TNKS2: variants seen among roughly 807,000 people sequenced by gnomAD.
The protein encoded by TNKS2 is tankyrase 2.
Under a neutral mutation model 137.6 loss-of-function variants are expected in TNKS2, and 72 were observed. The ratio of observed to expected loss-of-function variants is 0.52; its 90% CI spans 0.43 to 0.64. TNKS2 has a LOEUF of 0.64. Among genes scored for constraint, TNKS2 ranks in the 30% least tolerant of loss-of-function variants. The probability of loss-of-function intolerance (pLI) is 0.00; values close to 1 mark genes in which losing one functional copy is unlikely to be tolerated. For missense variants in TNKS2, 1,049 were observed against 1,410.2 expected (o/e 0.74, Z 4.10); for synonymous variants, 516 against 512.1 (o/e 1.01, Z -0.10).
intron 24 of TNKS2, 32 bp downstream of exon 24, chr10:91,857,562 T>C: frequency 7.1e-7 from 1 of 1,415,844 alleles, no homozygotes; most frequent in South Asian, 1.2e-5. Flanking sequence ...TCTACCACTG[T>C]CTTCCACATT....
intron 1 of TNKS2, among the ~76,000 whole-genome samples, chr10:91,801,521 T>A (rs946825513): frequency 2.0e-5 from 3 of 151,924 alleles, no homozygotes; most frequent in Non-Finnish European, 2.9e-5. Context: ...TCTCCCAGGC[T>A]GGAGTGCAGC....
chr10:91,839,817 A>G lies in TNKS2; in HGVS notation c.1528-744A>G, dbSNP rs367799292. Among the ~76,000 whole-genome samples the G allele has an allele frequency of 4.6e-5, 7 of 152,232 alleles. No individual in the cohort carries two copies. The East Asian group carries it at 1.4e-3, about 30-fold the overall frequency. On this transcript the variant is annotated intron_variant, in intron 13 of 26. Coordinates refer to ENST00000371627, the MANE Select transcript of TNKS2 (RefSeq NM_025235.4). ...TAATGTGTTTCCATATTACCTAGGG[A>G]TCTTGTTAAAGGGCAAATTCTGACT...
At chr10:91,854,601 T>C (rs1466701567) in intron 21 of TNKS2, among the ~76,000 whole-genome samples, 4 of 152,108 alleles carry the variant, frequency 2.6e-5, no homozygotes, top group Admixed American at 6.6e-5. Context: ...CTATGAAATG[T>C]TTTTAAAATT....
intron 13 of TNKS2, among the ~76,000 whole-genome samples, chr10:91,837,884 A>G (rs1842078100): frequency 6.6e-6 from 1 of 152,022 alleles, no homozygotes; most frequent in African/African-American, 2.4e-5. Context: ...CATTATTCTC[A>G]TTCCCTTAAG....
At position 91,857,470 on chromosome 10, in the gene TNKS2, C is replaced by T. The variant is rs751042631; in HGVS notation, c.3034C>T (p.Arg1012Trp). Reference protein sequence around the residue: ...NKKLWERYTHRRKEVSEENHN... With the variant: ...NKKLWERYTHWRKEVSEENHN... ...GAAACTATGGGAAAGATACACTCAC[C>T]GGAGAAAAGAAGTTTCTGAAGAAAA... Residue 1012 changes from arginine (R) to tryptophan (W), a missense_variant, in exon 24 of 27, where the codon CGG becomes TGG. Physicochemically the swap from Arg to Trp is moderately radical, Grantham distance 101 (BLOSUM62 -3). Coordinates refer to ENST00000371627, the MANE Select transcript of TNKS2 (RefSeq NM_025235.4). 13 of 1,610,642 alleles carry T rather than the reference C, an allele frequency of 8.1e-6. No individual in the cohort carries two copies. Among genetic ancestry groups the T allele is most frequent in the African/African-American group, 2.7e-5 (2 of 74,794 alleles).
chr10:91,848,252 G>A (rs1842439252), intron 18 of TNKS2, 131 bp from the exon 19 acceptor site: 1 of 1,032,688 alleles, frequency 9.7e-7, no homozygotes, highest in Non-Finnish European at 1.3e-6. Flanking sequence ...TTTTTAAAAT[G>A]AATAATCCTC....
rs563920421 is a variant in TNKS2, at chr10:91,863,535, T to C, written c.*536T>C. On this transcript the variant is annotated 3_prime_UTR_variant, in exon 27 of 27. Transcript: ENST00000371627. ...TATACTTCATCTTACATCGTCATGATTGAGTGATCTTTACATTTGATTCCA... is the reference window on the plus strand; with the variant it reads ...TATACTTCATCTTACATCGTCATGACTGAGTGATCTTTACATTTGATTCCA... The C allele has an allele frequency of 6.6e-6, 1 of 152,556 alleles. No homozygotes were observed. The highest frequency in any genetic ancestry group is 1.5e-5 in the Non-Finnish European group (1 of 68,030). The allele number at this position is 152,556 out of a possible 1,614,324, so 9.5% of individuals were successfully genotyped here.
intron 9 of TNKS2, 76 bp downstream of exon 9, chr10:91,828,482 G>A: frequency 7.5e-7 from 1 of 1,326,654 alleles, no homozygotes. Context: ...CCTACTTTTA[G>A]AACTAGCATT....
chr10:91,862,344 T>A (rs1406636271), intron 26 of TNKS2, among the ~76,000 whole-genome samples, 189 bp downstream of exon 26: 2 of 152,204 alleles, frequency 1.3e-5, no homozygotes, highest in Non-Finnish European at 2.9e-5. Flanking sequence ...TTACCTAGAT[T>A]TCCTAAATGT....
In TNKS2 at chr10:91,842,166, G is replaced by A. The variant is rs754234375; in HGVS notation, c.1840-6G>A. 7.5e-6 allele frequency: 12 copies of A among 1,602,014 alleles called. No individual in the cohort carries two copies. The highest frequency in any genetic ancestry group is 9.4e-6 in the Non-Finnish European group (11 of 1,173,286). ...CCCCCTTTTTTTCTGTTTTTCACATGCCTAGCATGGTGCAGACCCTACAAA... is the reference window on the plus strand; with the variant it reads ...CCCCCTTTTTTTCTGTTTTTCACATACCTAGCATGGTGCAGACCCTACAAA... On this transcript the variant is annotated splice_polypyrimidine_tract_variant and splice_region_variant and intron_variant, in intron 15 of 26. Coordinates refer to ENST00000371627, the MANE Select transcript of TNKS2 (RefSeq NM_025235.4).
chr10:91,831,203 C>T, intron 11 of TNKS2, 22 bp downstream of exon 11: 1 of 1,599,892 alleles, frequency 6.3e-7, no homozygotes, highest in South Asian at 1.1e-5. Context: ...TTTTGGTAAT[C>T]TTTGGTAATC....
Position 91,827,222 on chromosome 10 carries a change from A to G in TNKS2, c.982+19A>G. 2 of 1,485,732 alleles carry G rather than the reference A, an allele frequency of 1.3e-6. No individual in the cohort carries two copies. The highest frequency in any genetic ancestry group is 9.0e-7 in the Non-Finnish European group (1 of 1,109,646). The allele number at this position is 1,485,732 out of a possible 1,614,324, so 92.0% of individuals were successfully genotyped here. A position where few individuals can be genotyped will look rare whatever the true frequency, so the allele number is the denominator to read the frequency against. The stretch of plus-strand genomic sequence containing the variant: ...TTAGCATGTGAGTATAAAATTATGA[A>G]TGTTCAGGTAGGATATTATATCAAT... On this transcript the variant is annotated intron_variant, in intron 8 of 26. Transcript: ENST00000371627.
chr10:91,836,581 T>G (rs187904443), intron 12 of TNKS2: 167 of 942,140 alleles, frequency 1.8e-4, no homozygotes, highest in Admixed American at 2.5e-4. Flanking sequence ...TTCTGTTTGC[T>G]CTCTTAATTT....
chr10:91,804,532 G>A (rs1771653092), intron 1 of TNKS2, among the ~76,000 whole-genome samples: 2 of 152,130 alleles, frequency 1.3e-5, no homozygotes, highest in Admixed American at 1.3e-4. Context: ...TAGGCTTCTG[G>A]TTCCTCATAA....
chr10:91,819,585 C>A, intron 5 of TNKS2, 28 bp downstream of exon 5: 1 of 1,512,586 alleles, frequency 6.6e-7, no homozygotes, highest in Non-Finnish European at 8.9e-7. Context: ...TGAGTTTGTG[C>A]TTATCTCCTG....
At chr10:91,861,345 C>G (rs995312895) in intron 25 of TNKS2, among the ~76,000 whole-genome samples, 1 of 152,128 alleles carries the variant, frequency 6.6e-6, no homozygotes, top group African/African-American at 2.4e-5. Flanking sequence ...AAATGAGATT[C>G]AAGAAATTGG....
intron 21 of TNKS2, among the ~76,000 whole-genome samples, chr10:91,853,086 T>G (rs150295752): frequency 6.6e-6 from 1 of 152,230 alleles, no homozygotes; most frequent in African/African-American, 2.4e-5. Context: ...TGATCTGGTA[T>G]GATAACAATT....
At chr10:91,804,706 A>G (rs940805321) in intron 1 of TNKS2, among the ~76,000 whole-genome samples, 1 of 152,204 alleles carries the variant, frequency 6.6e-6, no homozygotes, top group Admixed American at 6.5e-5. Flanking sequence ...AGACCATAAC[A>G]ATAGAGATTT....
At chr10:91,818,562 C>T (rs1844784452) in intron 3 of TNKS2, among the ~76,000 whole-genome samples, 1 of 152,026 alleles carries the variant, frequency 6.6e-6, no homozygotes, top group Non-Finnish European at 1.5e-5. Context: ...ATCAAGGCCT[C>T]ACTCTGTCGC....
Sources: allele counts gnomAD v4.1 joint callset (sites outside exome capture counted in the v4.1 genomes callset), GRCh38; gene constraint gnomAD v4.1.1; transcripts MANE v1.5; gene names NCBI Gene and HGNC (gene_info 2026-07-23, HGNC 2026-07-21).